Variants in SLC15A2 observed in about 807,000 individuals in gnomAD.
SLC15A2 encodes the protein solute carrier family 15 member 2, also known as kidney H(+)/peptide cotransporter.
Under a neutral mutation model 95.5 loss-of-function variants are expected in SLC15A2, and 77 were observed. The observed-to-expected ratio is 0.81, with a 90% CI of 0.67 to 0.97. The LOEUF (loss-of-function observed/expected upper bound fraction) is 0.97. Ranked by LOEUF, SLC15A2 falls within the 50% of genes least tolerant of loss-of-function variation. The pLI is 0.00. For missense variants in SLC15A2, 893 were observed against 874.4 expected, an observed-to-expected ratio of 1.02 and a Z score of -0.27; for synonymous variants, 306 against 306.9, an observed-to-expected ratio of 1.00 and a Z score of 0.03.
At chr3:121,915,152 G>T in intron 5 of SLC15A2, 75 bp from the exon 6 acceptor site, 3 of 1,248,546 alleles carry the variant, frequency 2.4e-6, no homozygotes, top group Non-Finnish European at 3.5e-6. Context: ...TGTACCTTCA[G>T]CTCTGAATCT....
At chr3:121,922,906 T>C (rs748143239) in intron 9 of SLC15A2, 45 bp downstream of exon 9, 1 of 1,572,738 alleles carries the variant, frequency 6.4e-7, no homozygotes, top group East Asian at 2.2e-5. Context: ...ATAGAGTCTT[T>C]CCTAATGTTC....
intron 16 of SLC15A2, 50 bp downstream of exon 16, chr3:121,929,196 G>A (rs1710181708): frequency 6.2e-7 from 1 of 1,604,040 alleles, no homozygotes; most frequent in East Asian, 2.2e-5. Context: ...AAAGTAATAT[G>A]ACTGTCTCAT....
At chr3:121,894,645 T>TGG in intron 1 of SLC15A2, 64 bp downstream of exon 1, 1 of 1,284,810 alleles carries the variant, frequency 7.8e-7, no homozygotes, top group Non-Finnish European at 1.1e-6. Flanking sequence ...CTCTCTTCCT[T>TGG]GGGCTCTGGA....
intron 7 of SLC15A2, among the ~76,000 whole-genome samples, chr3:121,921,069 GA>G (rs766532065): frequency 3.0e-4 from 45 of 152,174 alleles, no homozygotes; most frequent in Non-Finnish European, 6.2e-4. Flanking sequence ...GAAAATTAAA[GA>G]AATGAAATTC....
chr3:121,900,784 C>T (rs1709505551), intron 3 of SLC15A2, among the ~76,000 whole-genome samples: 1 of 151,980 alleles, frequency 6.6e-6, no homozygotes, highest in South Asian at 2.1e-4. Context: ...TCACCTTTTA[C>T]TATAGCTGGA....
chr3:121,897,585 A>G (rs572587415), intron 3 of SLC15A2, 56 bp downstream of exon 3: 1 of 1,586,494 alleles, frequency 6.3e-7, no homozygotes, highest in Non-Finnish European at 8.6e-7. Context: ...GCAGAAGGCT[A>G]TCACTTCTAG....
chr3:121,928,885 G>A (rs1246184813), intron 15 of SLC15A2, 97 bp from the exon 16 acceptor site: 4 of 1,308,062 alleles, frequency 3.1e-6, no homozygotes, highest in East Asian at 2.3e-5. Context: ...GGTTGAAAGT[G>A]TCTGATGAGG....
At chr3:121,904,130 C>T (rs1559840603) in intron 3 of SLC15A2, among the ~76,000 whole-genome samples, 1 of 152,184 alleles carries the variant, frequency 6.6e-6, no homozygotes, top group Non-Finnish European at 1.5e-5. Context: ...TGGAAGTTCA[C>T]TCATGATTTG....
intron 14 of SLC15A2, 102 bp from the exon 15 acceptor site, chr3:121,928,319 T>C: frequency 7.2e-7 from 1 of 1,382,046 alleles, no homozygotes; most frequent in Non-Finnish European, 9.8e-7. Flanking sequence ...CTATGTCTAC[T>C]TGGCTAGTGG....
rs143316104 is a variant in SLC15A2 at position 121,908,854 on chromosome 3, A to G, written c.336-2720A>G. Reference sequence around the variant, plus strand: ...ATTATGAGTTAAATATAGAAGCTCTACACCTAACCCTAATACTAATTAAAA... The same window carrying G: ...ATTATGAGTTAAATATAGAAGCTCTGCACCTAACCCTAATACTAATTAAAA... On this transcript the variant is annotated intron_variant, in intron 3 of 21. Coordinates refer to ENST00000489711, the MANE Select transcript of SLC15A2 (RefSeq NM_021082.4). Among the ~76,000 whole-genome samples the G allele has an allele frequency of 1.3e-3, 201 of 152,198 alleles. 1 individual carries two copies. The highest frequency in any genetic ancestry group is 4.3e-3 in the African/African-American group (180 of 41,546).
Position 121,941,320 on chromosome 3 carries a change from T to C in SLC15A2, c.*313T>C, listed in dbSNP as rs992572181. 4 of 209,748 alleles carry C rather than the reference T, an allele frequency of 1.9e-5. No individual in the cohort carries two copies. Among genetic ancestry groups the C allele is most frequent in the Non-Finnish European group, 3.8e-5 (4 of 106,280 alleles). 13.0% of individuals were successfully genotyped at this position (209,748 alleles called of 1,614,324 possible). On this transcript the variant is annotated 3_prime_UTR_variant, in exon 22 of 22. Transcript: ENST00000489711. Reference sequence around the variant, plus strand: ...CATTCTCTGTGGGTATGCAAAGTTATGGGAATTCCTTTATAGGTAACTGCC... The same window carrying C: ...CATTCTCTGTGGGTATGCAAAGTTACGGGAATTCCTTTATAGGTAACTGCC...
chr3:121,907,277 C>A (rs958605709), intron 3 of SLC15A2, among the ~76,000 whole-genome samples: 5 of 152,178 alleles, frequency 3.3e-5, no homozygotes, highest in African/African-American at 1.2e-4. Context: ...TTTTTAGCTT[C>A]CTTGTAATGG....
intron 1 of SLC15A2, among the ~76,000 whole-genome samples, chr3:121,895,030 T>C (rs534168803): frequency 1.3e-5 from 2 of 152,328 alleles, no homozygotes; most frequent in South Asian, 4.1e-4. Context: ...GTTCCCAGTT[T>C]ACTGTGGGAG....
chr3:121,928,729 C>T (rs1373268577), intron 15 of SLC15A2, among the ~76,000 whole-genome samples, 174 bp downstream of exon 15: 1 of 152,144 alleles, frequency 6.6e-6, no homozygotes, highest in Non-Finnish European at 1.5e-5. Flanking sequence ...TTTATTTAGA[C>T]ATTTCCACAT....
chr3:121,941,244 C>G lies in SLC15A2; in HGVS notation c.*237C>G. The G allele has an allele frequency of 2.5e-6, 1 of 393,586 alleles. No individual in the cohort carries two copies. Among genetic ancestry groups the G allele is most frequent in the Non-Finnish European group, 4.5e-6 (1 of 220,730 alleles). The allele number at this position is 393,586 out of a possible 1,614,324, so 24.4% of individuals were successfully genotyped here. A position where few individuals can be genotyped will look rare whatever the true frequency, so the allele number is the denominator to read the frequency against. On this transcript the variant is annotated 3_prime_UTR_variant, in exon 22 of 22. Coordinates refer to ENST00000489711, the MANE Select transcript of SLC15A2 (RefSeq NM_021082.4). ...TAAAACTTGTGCAGTGTTGCTGGAG[C>G]TGGCCTGGTGTCTCCAAATGACCAT...
At chr3:121,930,974 AT>A in intron 18 of SLC15A2, 24 bp downstream of exon 18, 2 of 1,456,874 alleles carry the variant, frequency 1.4e-6, no homozygotes, top group Non-Finnish European at 1.9e-6. Flanking sequence ...CCCTGTGGAC[AT>A]TTTACTTTTG....
At chr3:121,914,090 ACTCTTTAT>A (rs1709829412) in intron 5 of SLC15A2, among the ~76,000 whole-genome samples, 1 of 151,376 alleles carries the variant, frequency 6.6e-6, no homozygotes, top group Non-Finnish European at 1.5e-5. Flanking sequence ...GTTATTTTAT[ACTCTTTAT>A]CTGTCAAAGA....
At chr3:121,903,830 G>T (rs975402022) in intron 3 of SLC15A2, among the ~76,000 whole-genome samples, 4 of 152,190 alleles carry the variant, frequency 2.6e-5, no homozygotes, top group Admixed American at 2.6e-4. Flanking sequence ...TCTTGGCAAT[G>T]TGGGCTATTT....
At chr3:121,936,407 T>G (rs1322064248) in intron 19 of SLC15A2, among the ~76,000 whole-genome samples, 1 of 152,196 alleles carries the variant, frequency 6.6e-6, no homozygotes, top group Non-Finnish European at 1.5e-5. Context: ...TCTCAGTCTC[T>G]TTGTGGGTCA....
Sources: allele counts gnomAD v4.1 joint callset (sites outside exome capture counted in the v4.1 genomes callset), GRCh38; gene constraint gnomAD v4.1.1; transcripts MANE v1.5; gene names NCBI Gene and HGNC (gene_info 2026-07-23, HGNC 2026-07-21).